Variants in PAK2 observed in about 807,000 individuals in gnomAD.
The protein encoded by PAK2 is serine/threonine-protein kinase PAK 2.
In PAK2, 21 loss-of-function variants were observed where a neutral mutation model predicts 65.9. The ratio of observed to expected loss-of-function variants is 0.32; its 90% CI spans 0.23 to 0.46. PAK2 has a LOEUF of 0.46. Ranked by LOEUF, PAK2 falls within the 20% of genes least tolerant of loss-of-function variation. PAK2 has a pLI of 1.00. For synonymous variants in PAK2, 204 were observed against 219.7 expected, an observed-to-expected ratio of 0.93 and a Z score of 0.63; for missense variants, 324 against 642.6, an observed-to-expected ratio of 0.50 and a Z score of 5.36.
chr3:196,758,980 G>T (rs1798619), intron 1 of PAK2, among the ~76,000 whole-genome samples: 107,551 of 152,064 alleles, frequency 0.71, 38,169 homozygotes, highest in Non-Finnish European at 0.72. Context: ...TTCTTAAAAA[G>T]GGAAAAACTT....
intron 1 of PAK2, among the ~76,000 whole-genome samples, chr3:196,775,106 T>C (rs1714493347): frequency 6.6e-6 from 1 of 152,216 alleles, no homozygotes; most frequent in Non-Finnish European, 1.5e-5. Flanking sequence ...ATTAGAATTG[T>C]GGCGGCATGG....
At chr3:196,753,619 C>A (rs1713680711) in intron 1 of PAK2, among the ~76,000 whole-genome samples, 3 of 152,166 alleles carry the variant, frequency 2.0e-5, no homozygotes, top group Non-Finnish European at 1.5e-5. Flanking sequence ...GTCATGTATA[C>A]CATCTAGTGT....
At chr3:196,752,171 A>G (rs749593843) in intron 1 of PAK2, among the ~76,000 whole-genome samples, 2 of 152,182 alleles carry the variant, frequency 1.3e-5, no homozygotes, top group African/African-American at 4.8e-5. Flanking sequence ...GATAAGGGAT[A>G]CTCAACCTGT....
chr3:196,764,091 C>T (rs553924930), intron 1 of PAK2, among the ~76,000 whole-genome samples: 6 of 151,946 alleles, frequency 3.9e-5, no homozygotes, highest in South Asian at 2.1e-4. Flanking sequence ...CGTGAGCCAC[C>T]GCGCCCGGCC....
At chr3:196,782,204 C>A (rs1714734953) in intron 1 of PAK2, among the ~76,000 whole-genome samples, 2 of 151,872 alleles carry the variant, frequency 1.3e-5, no homozygotes, top group Admixed American at 1.3e-4. Context: ...GTTTGATACC[C>A]TTAATAGCCA....
chr3:196,774,344 T>C (rs1289308877), intron 1 of PAK2, among the ~76,000 whole-genome samples: 1 of 152,174 alleles, frequency 6.6e-6, no homozygotes, highest in Admixed American at 6.5e-5. Context: ...TGGTTTTTTT[T>C]CACATATAAA....
chr3:196,804,465 G>A (rs901851772), intron 4 of PAK2, among the ~76,000 whole-genome samples: 1 of 132,152 alleles, frequency 7.6e-6, no homozygotes, highest in Non-Finnish European at 1.6e-5. Context: ...GCGCGTGCGT[G>A]TGTGTGTTTT....
chr3:196,779,052 T>C (rs529339029), intron 1 of PAK2, among the ~76,000 whole-genome samples: 2 of 152,336 alleles, frequency 1.3e-5, no homozygotes, highest in South Asian at 4.1e-4. Context: ...TGCCATACAC[T>C]GTTCTTTGGA....
At chr3:196,825,146 G>A (rs570300220) in intron 13 of PAK2, among the ~76,000 whole-genome samples, 1 of 151,014 alleles carries the variant, frequency 6.6e-6, no homozygotes, top group East Asian at 2.0e-4. Flanking sequence ...AGGAGTTTGA[G>A]ACCAGCCTGG....
At chr3:196,758,982 G>T (rs1022798638) in intron 1 of PAK2, among the ~76,000 whole-genome samples, 3 of 152,106 alleles carry the variant, frequency 2.0e-5, no homozygotes, top group African/African-American at 7.2e-5. Flanking sequence ...CTTAAAAAGG[G>T]AAAAACTTAC....
intron 1 of PAK2, among the ~76,000 whole-genome samples, chr3:196,773,549 G>T (rs1191814887): frequency 6.6e-6 from 1 of 152,100 alleles, no homozygotes; most frequent in Non-Finnish European, 1.5e-5. Context: ...TTAATATGGG[G>T]TAGTTGATGT....
At position 196,821,312 on chromosome 3, in the gene PAK2, G is replaced by T. The variant is rs529694063; in HGVS notation, c.1350+745G>T. Among the ~76,000 whole-genome samples, 42 of 152,076 alleles carry T rather than the reference G, an allele frequency of 2.8e-4. No individual in the cohort carries two copies. In the South Asian group the frequency reaches 8.3e-3, roughly 30 times the overall value. ...ACTGCACTCCAGCCTGGGCGACAGG[G>T]TGAGACTCTGTCTCAGCAAAAAACA... On this transcript the variant is annotated intron_variant, in intron 13 of 14. Coordinates refer to ENST00000327134, the MANE Select transcript of PAK2 (RefSeq NM_002577.4).
At chr3:196,766,931 CGTGTGTGTGTGTGTGTGT>C (rs60929724) in intron 1 of PAK2, among the ~76,000 whole-genome samples, 18 of 134,404 alleles carry the variant, frequency 1.3e-4, no homozygotes, top group East Asian at 1.1e-3. Context: ...AAGTACACCC[CGTGTGTGTGTGTGTGTGT>C]GTGTGTGTGT....
intron 1 of PAK2, among the ~76,000 whole-genome samples, chr3:196,742,287 CGT>C: frequency 6.6e-6 from 1 of 151,764 alleles, no homozygotes; most frequent in Admixed American, 6.5e-5. Context: ...GGGGTTTCAC[CGT>C]GTTGGTTAGG....
chr3:196,815,611 AC>A (rs1367592942), intron 11 of PAK2, among the ~76,000 whole-genome samples: 1 of 151,690 alleles, frequency 6.6e-6, no homozygotes, highest in African/African-American at 2.4e-5. Flanking sequence ...ACACGGTGAA[AC>A]CCCGTCTCTA....
intron 2 of PAK2, among the ~76,000 whole-genome samples, chr3:196,790,809 A>G (rs1715043187): frequency 6.6e-6 from 1 of 152,198 alleles, no homozygotes; most frequent in Non-Finnish European, 1.5e-5. Flanking sequence ...GCTTGAGTCA[A>G]CACACCTGTG....
intron 7 of PAK2, 180 bp downstream of exon 7, chr3:196,808,094 C>T (rs1650512774): frequency 1.9e-6 from 1 of 518,630 alleles, no homozygotes; most frequent in African/African-American, 2.0e-5. Flanking sequence ...ACCCCTAAAT[C>T]CCAGCACTAG....
At chr3:196,746,217 T>C (rs1319128259) in intron 1 of PAK2, among the ~76,000 whole-genome samples, 8 of 152,160 alleles carry the variant, frequency 5.3e-5, no homozygotes, top group African/African-American at 1.9e-4. Flanking sequence ...ACTCTGGTAT[T>C]AATATTTTTA....
intron 1 of PAK2, among the ~76,000 whole-genome samples, chr3:196,754,463 C>T (rs1324947144): frequency 1.3e-5 from 2 of 152,122 alleles, no homozygotes; most frequent in African/African-American, 4.8e-5. Context: ...CAGCTCCCGG[C>T]CTGATTTCCA....
Sources: gnomAD v4.1 joint callset for allele counts (sites outside exome capture counted in the v4.1 genomes callset) on GRCh38, gnomAD v4.1.1 for gene constraint, MANE v1.5 for transcripts, NCBI Gene and HGNC (gene_info 2026-07-23, HGNC 2026-07-21) for gene names.